The following CTTN variants were observed in gnomAD, a reference collection of about 807,000 sequenced individuals.
CTTN encodes cortactin.
In CTTN, 28 loss-of-function variants were observed where a neutral mutation model predicts 84.0. The observed-to-expected ratio is 0.33, with a 90% CI of 0.25 to 0.46. The LOEUF is 0.46. CTTN is among the 20% of genes least tolerant of loss of function. The pLI is 1.00. For missense variants in CTTN, 641 were observed against 723.8 expected (o/e 0.89, Z 1.31); for synonymous variants, 301 against 288.8 (o/e 1.04, Z -0.43).
chr11:70,424,017 C>T (rs554915150), intron 12 of CTTN, among the ~76,000 whole-genome samples: 5 of 151,966 alleles, frequency 3.3e-5, no homozygotes, highest in Admixed American at 6.5e-5. Context: ...AGGGAGCAGT[C>T]GGGTGGATGT....
chr11:70,416,902 G>A (rs557402754), intron 7 of CTTN, 111 bp from the exon 8 acceptor site: 24 of 774,112 alleles, frequency 3.1e-5, no homozygotes, highest in African/African-American at 1.5e-4. Context: ...TAAAATGTGC[G>A]CTTGATGTGT....
intron 1 of CTTN, among the ~76,000 whole-genome samples, chr11:70,401,096 G>A (rs1565484937): frequency 6.6e-6 from 1 of 152,164 alleles, no homozygotes; most frequent in East Asian, 1.9e-4. Context: ...CACTTTGGGA[G>A]GCTAAGGGCA....
chr11:70,409,748 A>G, intron 4 of CTTN, 83 bp from the exon 5 acceptor site: 2 of 1,404,448 alleles, frequency 1.4e-6, no homozygotes, highest in South Asian at 1.2e-5. Context: ...AGATAATGTC[A>G]CCTGTTCTTA....
chr11:70,408,702 CAGTGGCTTTTTATACACA>C (rs2135556294), intron 4 of CTTN, among the ~76,000 whole-genome samples: 1 of 152,286 alleles, frequency 6.6e-6, no homozygotes, highest in East Asian at 1.9e-4. Context: ...ACCTGGCCCC[CAGTGGCTTTTTATACACA>C]AGTTTTAGTC....
intron 13 of CTTN, among the ~76,000 whole-genome samples, chr11:70,428,153 CTTTTTTTTTTTTTTTT>C (rs60189081): frequency 8.0e-5 from 5 of 62,538 alleles, no homozygotes; most frequent in Non-Finnish European, 1.6e-4. Flanking sequence ...TGTCTTCCCA[CTTTTTTTTTTTTTTTT>C]TTTTTTTTTT....
rs61559665 is a variant in CTTN at position 70,403,749 on chromosome 11, C to T, written c.-97-1516C>T. On this transcript the variant is annotated intron_variant, in intron 1 of 17. Transcript: ENST00000301843. ...TCTAGAGGCTTTTTATCTTTGGATCCACAAAACAATCAAACTTATTTCCTA... is the reference window on the plus strand; with the variant it reads ...TCTAGAGGCTTTTTATCTTTGGATCTACAAAACAATCAAACTTATTTCCTA... Among the ~76,000 whole-genome samples, 1,307 of 152,172 alleles carry T rather than the reference C, an allele frequency of 8.6e-3. 17 individuals carry two copies. Among genetic ancestry groups the T allele is most frequent in the African/African-American group, 0.03 (1,242 of 41,524 alleles).
In CTTN at chr11:70,422,770, T is replaced by C. The variant is rs547018650; in HGVS notation, c.902-170T>C. On this transcript the variant is annotated intron_variant, in intron 11 of 17. Transcript: ENST00000301843. Reference sequence around the variant, plus strand: ...TCTCACTGCCTGTGTCTCACGACCATGGGTGGAAGCAAAACTTGCCTTGCA... The same window carrying C: ...TCTCACTGCCTGTGTCTCACGACCACGGGTGGAAGCAAAACTTGCCTTGCA... The C allele has an allele frequency of 7.7e-4, 1,133 of 1,462,004 alleles. 10 individuals are homozygous for C. Among genetic ancestry groups the C allele is most frequent in the Non-Finnish European group, 3.5e-4 (379 of 1,095,706 alleles). The allele number at this position is 1,462,004 out of a possible 1,614,324, so 90.6% of individuals were successfully genotyped here.
chr11:70,428,079 T>G (rs755052300), intron 13 of CTTN, among the ~76,000 whole-genome samples: 3 of 151,746 alleles, frequency 2.0e-5, no homozygotes, highest in Non-Finnish European at 4.4e-5. Flanking sequence ...CATGGTTCTA[T>G]TCATGGTCCT....
At chr11:70,417,265 T>G (rs1201349727) in intron 8 of CTTN, 142 bp downstream of exon 8, 1 of 662,238 alleles carries the variant, frequency 1.5e-6, no homozygotes, top group African/African-American at 1.8e-5. Context: ...ATGTGGGCTT[T>G]TCCTAATTCG....
intron 1 of CTTN, among the ~76,000 whole-genome samples, chr11:70,404,032 G>A (rs1334569398): frequency 1.3e-5 from 2 of 152,058 alleles, no homozygotes; most frequent in African/African-American, 4.8e-5. Flanking sequence ...AGGTATACAC[G>A]ACCATGCCTG....
intron 1 of CTTN, among the ~76,000 whole-genome samples, chr11:70,404,110 T>C (rs1246148152): frequency 1.3e-5 from 2 of 152,140 alleles, no homozygotes; most frequent in African/African-American, 4.8e-5. Flanking sequence ...AACCAGAATG[T>C]AGCAAGCAAT....
At chr11:70,429,255 A>C (rs1005809005) in intron 14 of CTTN, 56 bp downstream of exon 14, 16 of 1,564,430 alleles carry the variant, frequency 1.0e-5, no homozygotes, top group Non-Finnish European at 1.4e-5. Flanking sequence ...TGCCGAGGGG[A>C]TTGGGAGCTC....
At chr11:70,415,529 C>T in intron 6 of CTTN, 134 bp from the exon 7 acceptor site, 1 of 840,562 alleles carries the variant, frequency 1.2e-6, no homozygotes. Context: ...CTGCACCTGG[C>T]TTAGGAACCC....
chr11:70,414,124 T>A (rs1485207678), intron 5 of CTTN, among the ~76,000 whole-genome samples: 1 of 152,028 alleles, frequency 6.6e-6, no homozygotes, highest in East Asian at 1.9e-4. Flanking sequence ...GGCGGGTGGA[T>A]CACAAGGTCA....
At position 70,431,195 on chromosome 11, in the gene CTTN, A is replaced by G; in HGVS notation, c.1181A>G (p.Gln394Arg). 2.5e-6 allele frequency: 4 copies of G among 1,614,182 alleles called. No homozygotes were observed. Among genetic ancestry groups the G allele is most frequent in the Non-Finnish European group, 3.4e-6 (4 of 1,180,014 alleles). ...GCTGTTTGTTTTCAATCACAGGAGC[A>G]AGCCAGAGCCAAAACGCAAACGCCC... ...QEEARRKLEE[Q>R]ARAKTQTPPV... The change falls in exon 15 of 18, where the codon CAA (glutamine) becomes CGA (arginine). Residue 394 changes from glutamine to arginine, a missense_variant. Coordinates refer to ENST00000301843, the MANE Select transcript of CTTN (RefSeq NM_005231.4).
At chr11:70,413,278 G>A (rs909074074) in intron 5 of CTTN, among the ~76,000 whole-genome samples, 13 of 152,186 alleles carry the variant, frequency 8.5e-5, no homozygotes, top group African/African-American at 3.1e-4. Context: ...GAGAAGAGGG[G>A]TCCCGATGTG....
intron 15 of CTTN, among the ~76,000 whole-genome samples, chr11:70,431,755 A>G (rs1378262671): frequency 6.6e-6 from 1 of 151,978 alleles, no homozygotes; most frequent in East Asian, 1.9e-4. Context: ...GGCTGCAGAC[A>G]TGCTGTCCGG....
At chr11:70,430,542 C>G (rs955478233) in intron 14 of CTTN, among the ~76,000 whole-genome samples, 1 of 152,202 alleles carries the variant, frequency 6.6e-6, no homozygotes, top group Non-Finnish European at 1.5e-5. Flanking sequence ...TACATTGGGT[C>G]CACCCAGGCA....
chr11:70,435,091 G>A lies in CTTN; in HGVS notation c.1582G>A (p.Gly528Ser), dbSNP rs1454921278. The change falls in exon 18 of 18, where the codon GGC (glycine) becomes AGC (serine). Residue 528 changes from glycine to serine, a missense_variant. Gly to Ser is a moderately conservative substitution (Grantham distance 56). Coordinates refer to ENST00000301843, the MANE Select transcript of CTTN (RefSeq NM_005231.4). Reference sequence around the variant, plus strand: ...CACCAACATCGAGATGATTGACGACGGCTGGTGGCGCGGGGTGTGCAAGGG... The same window carrying A: ...CACCAACATCGAGATGATTGACGACAGCTGGTGGCGCGGGGTGTGCAAGGG... The part of the protein sequence containing the change: ...IITNIEMIDD[G>S]WWRGVCKGRY... The A allele has an allele frequency of 1.9e-6, 3 of 1,613,894 alleles. No individual in the cohort carries two copies. The highest frequency in any genetic ancestry group is 2.2e-5 in the East Asian group (1 of 44,880).
Sources: gnomAD v4.1 joint callset for allele counts (sites outside exome capture counted in the v4.1 genomes callset) on GRCh38, gnomAD v4.1.1 for gene constraint, MANE v1.5 for transcripts, NCBI Gene and HGNC (gene_info 2026-07-23, HGNC 2026-07-21) for gene names.